The following MSRA variants were observed in gnomAD, a reference collection of about 807,000 sequenced individuals.
MSRA encodes the protein mitochondrial peptide methionine sulfoxide reductase.
In MSRA, 54 loss-of-function variants were observed where a neutral mutation model predicts 31.3. The observed-to-expected ratio is 1.73, with a 90% confidence interval of 1.39 to 2.17. The LOEUF (loss-of-function observed/expected upper bound fraction) is 2.17. Ranked by LOEUF, MSRA falls within the 30% of genes most tolerant of loss-of-function variation. MSRA has a pLI of 0.00. For synonymous variants in MSRA, 169 were observed against 116.5 expected (o/e 1.45, Z -2.90); for missense variants, 507 against 300.9 (o/e 1.69, Z -5.07).
At chr8:10,205,653 A>G (rs1328649375) in intron 1 of MSRA, among the ~76,000 whole-genome samples, 1 of 152,252 alleles carries the variant, frequency 6.6e-6, no homozygotes, top group Admixed American at 6.5e-5. Flanking sequence ...GAATTCAAAC[A>G]TTTTCACCCT....
intron 1 of MSRA, among the ~76,000 whole-genome samples, chr8:10,104,871 T>G (rs1285715345): frequency 6.6e-6 from 1 of 152,156 alleles, no homozygotes; most frequent in Admixed American, 6.5e-5. Context: ...GAATTTTATT[T>G]TTGGTTTCCA....
chr8:10,141,568 A>T (rs1315368965), intron 1 of MSRA, among the ~76,000 whole-genome samples: 1 of 152,218 alleles, frequency 6.6e-6, no homozygotes, highest in African/African-American at 2.4e-5. Flanking sequence ...AGAGCTAAGC[A>T]TGCATGGAGT....
chr8:10,077,812 T>C (rs530702257), intron 1 of MSRA, among the ~76,000 whole-genome samples: 1 of 152,294 alleles, frequency 6.6e-6, no homozygotes, highest in African/African-American at 2.4e-5. Context: ...GCTATCCATT[T>C]AGGAGGAGAC....
Position 10,207,882 on chromosome 8 carries a change from A to G in MSRA, c.192A>G (p.Gly64=), listed in dbSNP as rs1381101940. ...GAACAGTCGAACCTTTCCCAGAGGG[A>G]ACACAGATGGCTGTATTTGGTAAGA... The part of the protein sequence containing the change: ...GNRTVEPFPE[G]TQMAVFGMGC... Residue 64 remains glycine (G), a synonymous_variant, in exon 2 of 6, where the codon GGA becomes GGG. Coordinates refer to ENST00000317173, the MANE Select transcript of MSRA (RefSeq NM_012331.5). 6.2e-7 allele frequency: 1 copy of G among 1,612,836 alleles called. No individual in the cohort carries two copies. The highest frequency in any genetic ancestry group is 8.5e-7 in the Non-Finnish European group (1 of 1,179,332).
intron 1 of MSRA, among the ~76,000 whole-genome samples, chr8:10,113,951 GCACT>G (rs1460177218): frequency 1.3e-5 from 2 of 152,028 alleles, no homozygotes; most frequent in African/African-American, 2.4e-5. Context: ...ATACCCTTTA[GCACT>G]CACTCCTCAT....
At chr8:10,136,904 T>C (rs745694831) in intron 1 of MSRA, among the ~76,000 whole-genome samples, 5 of 152,256 alleles carry the variant, frequency 3.3e-5, no homozygotes, top group Non-Finnish European at 7.3e-5. Flanking sequence ...TCCACCCTGC[T>C]GTCTGTCCAG....
At chr8:10,323,429 A>G (rs1802170896) in intron 5 of MSRA, among the ~76,000 whole-genome samples, 1 of 152,104 alleles carries the variant, frequency 6.6e-6, no homozygotes, top group South Asian at 2.1e-4. Flanking sequence ...AAATATGATG[A>G]TATCCTGGTG....
intron 1 of MSRA, among the ~76,000 whole-genome samples, chr8:10,081,465 A>G (rs1002153991): frequency 1.8e-4 from 28 of 152,064 alleles, no homozygotes; most frequent in African/African-American, 6.8e-4. Context: ...TCCAGATGCT[A>G]CCTCTTTTTC....
At chr8:10,245,307 G>T in intron 3 of MSRA, 84 bp downstream of exon 3, 6 of 1,270,016 alleles carry the variant, frequency 4.7e-6, no homozygotes, top group South Asian at 1.5e-5. Flanking sequence ...TCTTTAAAAT[G>T]GAAATATGTT....
chr8:10,060,716 C>T (rs1802668626), intron 1 of MSRA, among the ~76,000 whole-genome samples: 1 of 150,700 alleles, frequency 6.6e-6, no homozygotes, highest in Admixed American at 6.6e-5. Flanking sequence ...TCAAAATCTA[C>T]ATTTTGGCGT....
intron 1 of MSRA, among the ~76,000 whole-genome samples, chr8:10,090,494 C>A (rs1402601572): frequency 6.6e-6 from 1 of 152,072 alleles, no homozygotes; most frequent in African/African-American, 2.4e-5. Flanking sequence ...TTGTAACAGC[C>A]GTAAATACTG....
chr8:10,327,934 C>A (rs1484180239), intron 5 of MSRA, among the ~76,000 whole-genome samples: 1 of 150,922 alleles, frequency 6.6e-6, no homozygotes, highest in East Asian at 1.9e-4. Flanking sequence ...ACTAGAACAA[C>A]AACAACAACA....
chr8:10,144,969 G>A (rs1389824191), intron 1 of MSRA, among the ~76,000 whole-genome samples: 4 of 150,688 alleles, frequency 2.7e-5, no homozygotes, highest in Non-Finnish European at 4.4e-5. Flanking sequence ...TTTGGGGGAG[G>A]GGGCATGTAG....
Position 10,383,416 on chromosome 8 carries a change from T to C in MSRA, c.544-44732T>C, listed in dbSNP as rs1806196445. On this transcript the variant is annotated intron_variant, in intron 5 of 5. Coordinates refer to ENST00000317173, the MANE Select transcript of MSRA (RefSeq NM_012331.5). ...TCTGTGTGTGAAGGAGAGACGGTTT[T>C]GTGGCCTATTCTAACTCAAGCAGCT... Among the ~76,000 whole-genome samples the C allele has an allele frequency of 2.0e-5, 3 of 152,192 alleles. No individual in the cohort carries two copies. The South Asian group carries it at 6.2e-4, about 32-fold the overall frequency.
chr8:10,265,030 T>C (rs1169270783), intron 3 of MSRA, among the ~76,000 whole-genome samples: 1 of 151,956 alleles, frequency 6.6e-6, no homozygotes, highest in African/African-American at 2.4e-5. Context: ...CAGACTGAGG[T>C]ATTTGTCTTT....
chr8:10,351,408 C>G (rs966786136), intron 5 of MSRA, among the ~76,000 whole-genome samples: 15 of 152,002 alleles, frequency 9.9e-5, no homozygotes, highest in African/African-American at 3.6e-4. Flanking sequence ...CATGCGCCAC[C>G]ACGCCTAGCT....
intron 5 of MSRA, among the ~76,000 whole-genome samples, chr8:10,426,926 A>T (rs1000851717): frequency 1.3e-5 from 2 of 151,944 alleles, no homozygotes; most frequent in Non-Finnish European, 2.9e-5. Flanking sequence ...GGCTGGTCTA[A>T]CCCACCCGTC....
At chr8:10,146,711 T>G (rs10107485) in intron 1 of MSRA, among the ~76,000 whole-genome samples, 4 of 151,134 alleles carry the variant, frequency 2.6e-5, no homozygotes, top group Admixed American at 6.6e-5. Context: ...GGTGTTATTT[T>G]AAAAAAAAAT....
intron 1 of MSRA, among the ~76,000 whole-genome samples, chr8:10,135,817 G>A (rs1456455943): frequency 2.0e-5 from 3 of 152,170 alleles, no homozygotes; most frequent in African/African-American, 4.8e-5. Context: ...ATTTTGTTGA[G>A]ACATCCCCAA....
Sources: allele counts gnomAD v4.1 joint callset (sites outside exome capture counted in the v4.1 genomes callset), GRCh38; gene constraint gnomAD v4.1.1; transcripts MANE v1.5; gene names NCBI Gene and HGNC (gene_info 2026-07-23, HGNC 2026-07-21).